SMG1: variants seen among roughly 807,000 people sequenced by gnomAD.
The protein encoded by SMG1 is SMG1 nonsense mediated mRNA decay associated PI3K related kinase.
In SMG1, 22 loss-of-function variants were observed where a neutral mutation model predicts 419.9. That is an observed-to-expected ratio of 0.05 (90% CI 0.04 to 0.07). The LOEUF is 0.07. Among genes scored for constraint, SMG1 ranks in the 10% least tolerant of loss-of-function variants. The pLI is 1.00. For missense variants in SMG1, 3,185 were observed against 4,342.0 expected, an observed-to-expected ratio of 0.73 and a Z score of 7.49; for synonymous variants, 1,538 against 1,553.5, an observed-to-expected ratio of 0.99 and a Z score of 0.23.
intron 3 of SMG1, among the ~76,000 whole-genome samples, chr16:18,895,112 T>G (rs1319106361): frequency 6.6e-6 from 1 of 151,808 alleles, no homozygotes; most frequent in Non-Finnish European, 1.5e-5. Context: ...CCACTGCACC[T>G]GGCCAATCCT....
intron 56 of SMG1, among the ~76,000 whole-genome samples, chr16:18,818,885 T>C (rs1173830686): frequency 4.0e-5 from 6 of 151,322 alleles, no homozygotes; most frequent in African/African-American, 1.5e-4. Context: ...GGCACGATCT[T>C]GGATCACTGG....
Position 18,834,249 on chromosome 16 carries a change from C to T in SMG1, c.8520G>A (p.Ala2840=), listed in dbSNP as rs763132136. 13 of 1,607,980 alleles carry T rather than the reference C, an allele frequency of 8.1e-6. No homozygotes were observed. The highest frequency in any genetic ancestry group is 7.8e-5 in the South Asian group (7 of 89,822). The part of the protein sequence containing the change: ...QDLDIPNPME[A]SETVHLANGV... ...CATTGGCTAAGTGAACTGTCTCAGA[C>T]GCTTCCATGGGGTTCGGGATATCTA... The change falls in exon 50 of 63, where the codon GCG becomes GCA. Residue 2840 remains alanine, a synonymous_variant. Transcript: ENST00000446231.
At chr16:18,855,634 C>T (rs1042969219) in intron 29 of SMG1, among the ~76,000 whole-genome samples, 2 of 152,168 alleles carry the variant, frequency 1.3e-5, no homozygotes, top group African/African-American at 4.8e-5. Context: ...GAGCCGGCTG[C>T]CTGTGAAAGT....
chr16:18,869,274 T>A lies in SMG1; in HGVS notation c.2663A>T (p.Tyr888Phe), dbSNP rs370087381. 8 of 1,611,090 alleles carry A rather than the reference T, an allele frequency of 5.0e-6. No homozygotes were observed. The East Asian group carries it at 1.8e-4, about 36-fold the overall frequency. ...GKDNWLERLF[Y>F]SCQRLDKRDQ... ...ACGCTTATCCAGTCTCTGGCAGCTA[T>A]AGAACAGTCTTTCCAACCAATTGTC... The change falls in exon 20 of 63, where the codon TAT becomes TTT. Residue 888 changes from tyrosine (Y) to phenylalanine (F), a missense_variant. By Grantham distance (22) the Tyr-to-Phe change is conservative. Coordinates refer to ENST00000446231, the MANE Select transcript of SMG1 (RefSeq NM_015092.5).
rs2030784926 is a variant in SMG1 at position 18,805,885 on chromosome 16, T to TA, written c.*3683dup. The TA allele has an allele frequency of 6.6e-6, 1 of 152,642 alleles. No individual in the cohort carries two copies. The highest frequency in any genetic ancestry group is 2.4e-5 in the African/African-American group (1 of 41,466). The allele number at this position is 152,642 out of a possible 1,614,324, so 9.5% of individuals were successfully genotyped here. ...GTGCGAATAGTAAAGCATTCACTGATATTTGATGTATCTGAATAGGACTAA... is the reference window on the plus strand; with the variant it reads ...GTGCGAATAGTAAAGCATTCACTGATAATTTGATGTATCTGAATAGGACTAA... On this transcript the variant is annotated 3_prime_UTR_variant, in exon 63 of 63. Coordinates refer to ENST00000446231, the MANE Select transcript of SMG1 (RefSeq NM_015092.5).
At chr16:18,921,137 CAAA>C (rs548882021) in intron 1 of SMG1, among the ~76,000 whole-genome samples, 6 of 77,700 alleles carry the variant, frequency 7.7e-5, no homozygotes, top group African/African-American at 9.4e-5. Flanking sequence ...AACTCTGTCT[CAAA>C]AAAAAAAAAA....
At position 18,814,029 on chromosome 16, in the gene SMG1, C is replaced by CAAAAA. The variant is rs34998351; in HGVS notation, c.10621+1141_10621+1145dup. On this transcript the variant is annotated intron_variant, in intron 60 of 62. Coordinates refer to ENST00000446231, the MANE Select transcript of SMG1 (RefSeq NM_015092.5). The stretch of plus-strand genomic sequence containing the variant: ...CTGGGCGACTGAGTGAGACTCATCT[C>CAAAAA]AAAAAAAAAAAAAAAAATTAAATTA... Among the ~76,000 whole-genome samples, 516 of 60,054 alleles carry CAAAAA rather than the reference C, an allele frequency of 8.6e-3. 24 individuals carry two copies. Among genetic ancestry groups the CAAAAA allele is most frequent in the Admixed American group, 0.011 (49 of 4,422 alleles). The allele number at this position is 60,054 out of a possible 152,430, so 39.4% of individuals were successfully genotyped here.
At chr16:18,833,192 T>C in intron 50 of SMG1, 26 bp from the exon 51 acceptor site, 3 of 1,586,828 alleles carry the variant, frequency 1.9e-6, no homozygotes, top group African/African-American at 1.4e-5. Context: ...AAAAAAACTT[T>C]TAATGTTTTT....
chr16:18,810,012 C>T (rs571467574), intron 62 of SMG1, among the ~76,000 whole-genome samples: 4 of 151,302 alleles, frequency 2.6e-5, no homozygotes, highest in South Asian at 2.1e-4. Flanking sequence ...AAGAAGAGTT[C>T]AAGTCTAGGT....
rs2141900547 is a variant in SMG1, at chr16:18,806,853, T to C, written c.*2716A>G. ...GACTTCATAACTACAGCACTCTAAC[T>C]TTTCTCAGTCTAACTGCTGAGGTCT... is the stretch of plus-strand genomic sequence containing the variant. On this transcript the variant is annotated 3_prime_UTR_variant, in exon 63 of 63. Coordinates refer to ENST00000446231, the MANE Select transcript of SMG1 (RefSeq NM_015092.5). 1 of 152,300 alleles carries C rather than the reference T, an allele frequency of 6.6e-6. No individual in the cohort carries two copies. Among genetic ancestry groups the C allele is most frequent in the South Asian group, 2.1e-4 (1 of 4,822 alleles). The allele number at this position is 152,300 out of a possible 1,614,324, so 9.4% of individuals were successfully genotyped here.
chr16:18,838,050 G>A lies in SMG1; in HGVS notation c.7377C>T (p.Thr2459=), dbSNP rs774336728. 1 of 1,613,914 alleles carries A rather than the reference G, an allele frequency of 6.2e-7. No homozygotes were observed. The highest frequency in any genetic ancestry group is 1.1e-5 in the South Asian group (1 of 91,068). ...QSKREMEREI[T]RSLFSSRVAE... ...CTACTCTAGAAGAAAACAGGCTGCG[G>A]GTGATCTCTCGCTCCATCTCTCTCT... Residue 2459 remains threonine, a synonymous_variant, in exon 45 of 63, where the codon ACC becomes ACT. Transcript: ENST00000446231.
chr16:18,924,937 G>A (rs1426463704), intron 1 of SMG1: 1 of 150,748 alleles, frequency 6.6e-6, no homozygotes, highest in South Asian at 2.1e-4. Flanking sequence ...CAACTTGCGC[G>A]TTCTACATTA....
intron 60 of SMG1, among the ~76,000 whole-genome samples, chr16:18,812,992 C>A (rs1257162575): frequency 6.6e-6 from 1 of 152,276 alleles, no homozygotes; most frequent in East Asian, 1.9e-4. Context: ...CTACAAAGGA[C>A]ATGAACTCAT....
chr16:18,919,760 A>G (rs1420627339), intron 1 of SMG1, among the ~76,000 whole-genome samples: 1 of 151,812 alleles, frequency 6.6e-6, no homozygotes, highest in African/African-American at 2.4e-5. Context: ...GTTATAAAAA[A>G]CAAACAAACC....
chr16:18,816,385 G>T lies in SMG1; in HGVS notation c.10219C>A (p.Leu3407Met), dbSNP rs1208116781. Residue 3407 changes from leucine to methionine, a missense_variant, in exon 58 of 63, where the codon CTG becomes ATG. Leu to Met is a conservative substitution (Grantham distance 15). Coordinates refer to ENST00000446231, the MANE Select transcript of SMG1 (RefSeq NM_015092.5). ...IETVCETIQNLVDNIKTVLTG... is the reference protein window; with the variant it reads ...IETVCETIQNMVDNIKTVLTG... ...AGCACAGTCTTTATATTATCAACCA[G>T]ATTCTGAATTGTTTCACAGACCGTT... 6.2e-7 allele frequency: 1 copy of T among 1,613,900 alleles called. No individual in the cohort carries two copies. The highest frequency in any genetic ancestry group is 1.7e-5 in the Admixed American group (1 of 60,014).
chr16:18,868,520 A>C lies in SMG1; in HGVS notation c.3030+3T>G, dbSNP rs2035642053. On this transcript the variant is annotated splice_donor_region_variant and intron_variant, in intron 21 of 62. Transcript: ENST00000446231. The stretch of plus-strand genomic sequence containing the variant: ...AAAACAACACTATCTCATGGAAACC[A>C]ACCTTGGGAGGTGAAGTTAATGCAT... 2 of 1,560,854 alleles carry C rather than the reference A, an allele frequency of 1.3e-6. No homozygotes were observed. Among genetic ancestry groups the C allele is most frequent in the East Asian group, 4.5e-5 (2 of 44,690 alleles).
intron 1 of SMG1, among the ~76,000 whole-genome samples, chr16:18,913,550 G>C (rs1412765757): frequency 6.6e-6 from 1 of 151,860 alleles, no homozygotes; most frequent in Non-Finnish European, 1.5e-5. Flanking sequence ...GCTAATATAT[G>C]TCACTATGTA....
chr16:18,837,398 T>C lies in SMG1; in HGVS notation c.7459A>G (p.Lys2487Glu), dbSNP rs1475449619. 3 of 1,613,822 alleles carry C rather than the reference T, an allele frequency of 1.9e-6. No homozygotes were observed. In the African/African-American group the frequency reaches 4.0e-5, roughly 22 times the overall value. ...NRDEMLVVLP[K>E]LDGSLDEYLS... ...TATTCATCTAAGCTACCGTCCAACT[T>C]GGGAAGCACAACCAGCATCTCATCT... Residue 2487 changes from lysine (K) to glutamate (E), a missense_variant, in exon 46 of 63, where the codon AAG (lysine) becomes GAG (glutamate). Physicochemically the swap from Lys to Glu is moderately conservative, Grantham distance 56. Around this residue, in one of 27 missense-constraint regions of SMG1, gnomAD observed 412 missense variants for 546.6 expected, o/e 0.75. Coordinates refer to ENST00000446231, the MANE Select transcript of SMG1 (RefSeq NM_015092.5).
At position 18,862,314 on chromosome 16, in the gene SMG1, A is replaced by G. The variant is rs368176695; in HGVS notation, c.3695+1336T>C. ...TATTCTTTCACAAAAATGCTAAACTAGGATTCTGACCCAGGCCTGCCTTTC... is the reference window on the plus strand; with the variant it reads ...TATTCTTTCACAAAAATGCTAAACTGGGATTCTGACCCAGGCCTGCCTTTC... On this transcript the variant is annotated intron_variant, in intron 25 of 62. Coordinates refer to ENST00000446231, the MANE Select transcript of SMG1 (RefSeq NM_015092.5). Among the ~76,000 whole-genome samples the G allele has an allele frequency of 9.8e-5, 15 of 152,290 alleles. 1 individual carries two copies. Among genetic ancestry groups the G allele is most frequent in the East Asian group, 7.7e-4 (4 of 5,184 alleles).
Sources: allele counts gnomAD v4.1 joint callset (sites outside exome capture counted in the v4.1 genomes callset), GRCh38; gene constraint gnomAD v4.1.1; regional missense constraint gnomAD v4.1.1; transcripts MANE v1.5; gene names NCBI Gene and HGNC (gene_info 2026-07-23, HGNC 2026-07-21).